The following COX5A variants were observed in gnomAD, a reference collection of about 807,000 sequenced individuals.
The protein encoded by COX5A is cytochrome c oxidase subunit 5A, mitochondrial.
In COX5A, 6 loss-of-function variants were observed where a neutral mutation model predicts 16.1. The observed-to-expected ratio is 0.37, with a 90% CI of 0.20 to 0.73. COX5A has a LOEUF of 0.73. COX5A is among the 30% of genes least tolerant of loss of function. The pLI, the probability that COX5A is intolerant of heterozygous loss-of-function variation, is 0.50. For missense variants in COX5A, 159 were observed against 194.9 expected, an observed-to-expected ratio of 0.82 and a Z score of 1.10; for synonymous variants, 73 against 73.8, an observed-to-expected ratio of 0.99 and a Z score of 0.06.
At chr15:74,937,607 G>A in intron 1 of COX5A, 1 of 229,520 alleles carries the variant, frequency 4.4e-6, no homozygotes. Context: ...CAGGGTCGGC[G>A]CTGGGGCAGG....
chr15:74,932,683 G>A (rs990911634), intron 1 of COX5A, among the ~76,000 whole-genome samples: 1 of 151,530 alleles, frequency 6.6e-6, no homozygotes, highest in Non-Finnish European at 1.5e-5. Flanking sequence ...GACTAGAAGT[G>A]AACACGTTTT....
intron 1 of COX5A, among the ~76,000 whole-genome samples, chr15:74,936,004 G>GT (rs1244114965): frequency 2.0e-5 from 3 of 151,898 alleles, no homozygotes; most frequent in African/African-American, 7.3e-5. Context: ...AAAGGAGTCA[G>GT]TTTCGGCCAG....
chr15:74,927,726 C>T (rs368419178), intron 2 of COX5A, among the ~76,000 whole-genome samples: 20 of 152,060 alleles, frequency 1.3e-4, no homozygotes, highest in East Asian at 9.7e-4. Flanking sequence ...GAGCTGAGAT[C>T]GCGCCATTGC....
chr15:74,936,832 T>C (rs1461552450), intron 1 of COX5A, among the ~76,000 whole-genome samples: 1 of 152,032 alleles, frequency 6.6e-6, no homozygotes, highest in Non-Finnish European at 1.5e-5. Context: ...TTTCACCATG[T>C]TGGCCAGGCT....
At chr15:74,928,119 C>T (rs1020520283) in intron 2 of COX5A, among the ~76,000 whole-genome samples, 6 of 152,166 alleles carry the variant, frequency 3.9e-5, no homozygotes, top group Admixed American at 3.3e-4. Flanking sequence ...AAGTTTAAAG[C>T]ACTTAGGTTT....
At chr15:74,934,318 C>T (rs2065379690) in intron 1 of COX5A, among the ~76,000 whole-genome samples, 1 of 151,984 alleles carries the variant, frequency 6.6e-6, no homozygotes, top group South Asian at 2.1e-4. Context: ...ACAGACTCTC[C>T]CCACGTGATT....
chr15:74,928,305 A>C (rs1247206028), intron 2 of COX5A, among the ~76,000 whole-genome samples: 1 of 152,236 alleles, frequency 6.6e-6, no homozygotes, highest in Non-Finnish European at 1.5e-5. Context: ...ATACTTATTC[A>C]TGGCAAAACA....
intron 2 of COX5A, among the ~76,000 whole-genome samples, chr15:74,928,794 G>A (rs1011734474): frequency 6.6e-6 from 1 of 152,188 alleles, no homozygotes. Context: ...GAGACACTGG[G>A]TAATGCCTAG....
chr15:74,924,838 T>C (rs968409844), intron 3 of COX5A, among the ~76,000 whole-genome samples: 3 of 152,248 alleles, frequency 2.0e-5, no homozygotes, highest in Admixed American at 1.3e-4. Context: ...TTACCCATTA[T>C]AGATAAAGTA....
chr15:74,933,993 T>C (rs2065378001), intron 1 of COX5A, among the ~76,000 whole-genome samples: 1 of 152,146 alleles, frequency 6.6e-6, no homozygotes, highest in Non-Finnish European at 1.5e-5. Context: ...TTCCAAAAAG[T>C]CTTTTATAAA....
Position 74,938,058 on chromosome 15 carries a change from TG to T in COX5A, c.-45del. 1 of 1,188,038 alleles carries T rather than the reference TG, an allele frequency of 8.4e-7. No individual in the cohort carries two copies. Among genetic ancestry groups the T allele is most frequent in the Non-Finnish European group, 1.1e-6 (1 of 949,738 alleles). The allele number at this position is 1,188,038 out of a possible 1,614,324, so 73.6% of individuals were successfully genotyped here. A position where few individuals can be genotyped will look rare whatever the true frequency, so the allele number is the denominator to read the frequency against. On this transcript the variant is annotated 5_prime_UTR_variant, in exon 1 of 5. Transcript: ENST00000322347. The stretch of plus-strand genomic sequence containing the variant: ...CGGGCTGAGGACAGAGAGAAGCCGG[TG>T]TAAGCTCGCGGGTTGCTCCGGAGCG...
rs1456563122 is a variant in COX5A at position 74,920,431 on chromosome 15, G to A, written c.*21C>T. 1 of 693,082 alleles carries A rather than the reference G, an allele frequency of 1.4e-6. No homozygotes were observed. The highest frequency in any genetic ancestry group is 2.6e-6 in the Non-Finnish European group (1 of 382,348). The allele number at this position is 693,082 out of a possible 1,614,324, so 42.9% of individuals were successfully genotyped here. A position where few individuals can be genotyped will look rare whatever the true frequency, so the allele number is the denominator to read the frequency against. On this transcript the variant is annotated 3_prime_UTR_variant, in exon 5 of 5. Coordinates refer to ENST00000322347, the MANE Select transcript of COX5A (RefSeq NM_004255.4). ...CAAGTAGCAATGTCAATAAATCCTTGGGGAAGCCCATCTGTAAGAGAAAAC... is the reference window on the plus strand; with the variant it reads ...CAAGTAGCAATGTCAATAAATCCTTAGGGAAGCCCATCTGTAAGAGAAAAC...
rs1321350905 is a variant in COX5A at position 74,938,051 on chromosome 15, A to C, written c.-37T>G. On this transcript the variant is annotated 5_prime_UTR_variant, in exon 1 of 5. Transcript: ENST00000322347. Reference sequence around the variant, plus strand: ...CGGCGCGCGGGCTGAGGACAGAGAGAAGCCGGTGTAAGCTCGCGGGTTGCT... The same window carrying C: ...CGGCGCGCGGGCTGAGGACAGAGAGCAGCCGGTGTAAGCTCGCGGGTTGCT... 21 of 1,193,710 alleles carry C rather than the reference A, an allele frequency of 1.8e-5. No individual in the cohort carries two copies. Among genetic ancestry groups the C allele is most frequent in the Non-Finnish European group, 2.1e-5 (20 of 954,930 alleles). The allele number at this position is 1,193,710 out of a possible 1,614,324, so 73.9% of individuals were successfully genotyped here. A position where few individuals can be genotyped will look rare whatever the true frequency, so the allele number is the denominator to read the frequency against.
At chr15:74,924,188 G>A (rs992825508) in intron 3 of COX5A, among the ~76,000 whole-genome samples, 4 of 151,600 alleles carry the variant, frequency 2.6e-5, no homozygotes, top group African/African-American at 7.3e-5. Flanking sequence ...CTCAAAAAAC[G>A]AAACAAAACA....
At position 74,938,064 on chromosome 15, in the gene COX5A, C is replaced by A. The variant is rs770469523; in HGVS notation, c.-50G>T. On this transcript the variant is annotated 5_prime_UTR_variant, in exon 1 of 5. Transcript: ENST00000322347. ...GAGGACAGAGAGAAGCCGGTGTAAG[C>A]TCGCGGGTTGCTCCGGAGCGGGCGG... 1 of 1,175,084 alleles carries A rather than the reference C, an allele frequency of 8.5e-7. No individual in the cohort carries two copies. The highest frequency in any genetic ancestry group is 1.1e-6 in the Non-Finnish European group (1 of 937,732). The allele number at this position is 1,175,084 out of a possible 1,614,324, so 72.8% of individuals were successfully genotyped here. A position where few individuals can be genotyped will look rare whatever the true frequency, so the allele number is the denominator to read the frequency against.
intron 1 of COX5A, among the ~76,000 whole-genome samples, chr15:74,934,552 C>T (rs139075330): frequency 8.0e-4 from 121 of 152,162 alleles, no homozygotes; most frequent in African/African-American, 1.9e-3. Flanking sequence ...AGGATGGTCT[C>T]GATCTCCTGA....
intron 1 of COX5A, among the ~76,000 whole-genome samples, chr15:74,931,935 G>C (rs2065369283): frequency 6.6e-6 from 1 of 152,210 alleles, no homozygotes; most frequent in Non-Finnish European, 1.5e-5. Flanking sequence ...TCTGGAACAG[G>C]TAGGGGGATA....
intron 1 of COX5A, 38 bp from the exon 2 acceptor site, chr15:74,929,270 A>C: frequency 7.5e-7 from 1 of 1,339,606 alleles, no homozygotes; most frequent in Non-Finnish European, 1.1e-6. Context: ...ATGTACACAA[A>C]TAGTACTTGA....
At chr15:74,934,117 C>T (rs2065378494) in intron 1 of COX5A, among the ~76,000 whole-genome samples, 1 of 152,064 alleles carries the variant, frequency 6.6e-6, no homozygotes, top group African/African-American at 2.4e-5. Flanking sequence ...AAAAAATTAG[C>T]GGGGTTTGGT....
Sources: allele counts gnomAD v4.1 joint callset (sites outside exome capture counted in the v4.1 genomes callset), GRCh38; gene constraint gnomAD v4.1.1; transcripts MANE v1.5; gene names NCBI Gene and HGNC (gene_info 2026-07-23, HGNC 2026-07-21).